Variants in CPED1 observed in about 807,000 individuals in gnomAD.
CPED1 encodes cadherin like and PC-esterase domain containing 1, also known as cadherin-like and PC-esterase domain-containing protein 1.
Under a neutral mutation model 128.2 loss-of-function variants are expected in CPED1, and 114 were observed. The ratio of observed to expected loss-of-function variants is 0.89; its 90% CI spans 0.76 to 1.04. CPED1 has a LOEUF of 1.04. Ranked by LOEUF, CPED1 falls within the 50% of genes least tolerant of loss-of-function variation. CPED1 has a pLI of 0.00. For missense variants in CPED1, 1,211 were observed against 1,207.1 expected (o/e 1.00, Z -0.05); for synonymous variants, 462 against 426.7 (o/e 1.08, Z -1.02).
intron 16 of CPED1, among the ~76,000 whole-genome samples, chr7:121,211,663 G>A (rs1440330993): frequency 6.6e-6 from 1 of 152,076 alleles, no homozygotes; most frequent in East Asian, 1.9e-4. Flanking sequence ...ATGTGACAGA[G>A]GAGGGAAACC....
intron 16 of CPED1, among the ~76,000 whole-genome samples, chr7:121,203,807 T>C (rs1207363916): frequency 6.6e-6 from 1 of 152,076 alleles, no homozygotes; most frequent in Non-Finnish European, 1.5e-5. Context: ...GTGTTTTGTT[T>C]TGGTATTCAA....
chr7:121,077,859 T>G (rs955776940), intron 5 of CPED1, among the ~76,000 whole-genome samples: 7 of 152,022 alleles, frequency 4.6e-5, no homozygotes, highest in Admixed American at 1.3e-4. Flanking sequence ...TTTAAAATTT[T>G]TATATAATCA....
intron 18 of CPED1, among the ~76,000 whole-genome samples, chr7:121,250,332 G>C (rs1798640759): frequency 6.6e-6 from 1 of 151,562 alleles, no homozygotes; most frequent in Non-Finnish European, 1.5e-5. Flanking sequence ...GTGTGTAGAG[G>C]GAAATTTATA....
intron 3 of CPED1, among the ~76,000 whole-genome samples, chr7:121,029,599 G>A (rs185111882): frequency 5.3e-5 from 8 of 152,276 alleles, no homozygotes; most frequent in Non-Finnish European, 1.5e-5. Context: ...TTTCATTGGT[G>A]TGTTTGCTCA....
At chr7:121,170,705 A>G (rs909604043) in intron 16 of CPED1, among the ~76,000 whole-genome samples, 3 of 152,156 alleles carry the variant, frequency 2.0e-5, no homozygotes, top group Non-Finnish European at 2.9e-5. Flanking sequence ...TATAAATGCA[A>G]TGATGGAGAA....
At chr7:121,076,276 C>T (rs748934326) in intron 5 of CPED1, among the ~76,000 whole-genome samples, 5 of 152,032 alleles carry the variant, frequency 3.3e-5, no homozygotes, top group Non-Finnish European at 7.4e-5. Context: ...AATATAATTC[C>T]CCACTCCTGC....
chr7:121,244,364 G>A, intron 18 of CPED1, 26 bp downstream of exon 18: 2 of 1,613,292 alleles, frequency 1.2e-6, no homozygotes, highest in Non-Finnish European at 1.7e-6. Flanking sequence ...AGTGGGGGAA[G>A]CCTTTAATGT....
chr7:121,185,577 A>C (rs894862607), intron 16 of CPED1, among the ~76,000 whole-genome samples: 2 of 152,186 alleles, frequency 1.3e-5, no homozygotes, highest in African/African-American at 4.8e-5. Context: ...TCAATAAGTA[A>C]TTCTGGAGGT....
At chr7:121,201,091 G>A (rs964215515) in intron 16 of CPED1, among the ~76,000 whole-genome samples, 6 of 152,034 alleles carry the variant, frequency 3.9e-5, no homozygotes, top group Admixed American at 1.3e-4. Flanking sequence ...TGAGAAAATC[G>A]GATCTGAGAT....
intron 2 of CPED1, among the ~76,000 whole-genome samples, chr7:121,007,109 A>G (rs1792037056): frequency 6.6e-6 from 1 of 152,078 alleles, no homozygotes; most frequent in South Asian, 2.1e-4. Context: ...TCTGCCTCCA[A>G]GATTCACCCT....
At chr7:121,110,149 G>T (rs1795073668) in intron 7 of CPED1, among the ~76,000 whole-genome samples, 1 of 152,138 alleles carries the variant, frequency 6.6e-6, no homozygotes, top group Non-Finnish European at 1.5e-5. Context: ...CACTTTCCAT[G>T]TCTATAAAAT....
chr7:121,170,254 A>T (rs976972147), intron 16 of CPED1, among the ~76,000 whole-genome samples: 1 of 152,226 alleles, frequency 6.6e-6, no homozygotes, highest in African/African-American at 2.4e-5. Flanking sequence ...ACACATCATC[A>T]GGACATACTG....
intron 16 of CPED1, among the ~76,000 whole-genome samples, chr7:121,216,868 C>A (rs1797770533): frequency 6.6e-6 from 1 of 152,056 alleles, no homozygotes; most frequent in Non-Finnish European, 1.5e-5. Context: ...GACTTACAGA[C>A]TCCCTGTTCC....
At chr7:121,088,672 A>G (rs1047416072) in intron 5 of CPED1, among the ~76,000 whole-genome samples, 3 of 149,956 alleles carry the variant, frequency 2.0e-5, no homozygotes. Flanking sequence ...AAAAAAAGAA[A>G]AGTAGTCATT....
chr7:121,252,730 C>A (rs913200897), intron 18 of CPED1, among the ~76,000 whole-genome samples: 1 of 152,062 alleles, frequency 6.6e-6, no homozygotes, highest in African/African-American at 2.4e-5. Context: ...TCATCACTGG[C>A]CATCAGAGAA....
At chr7:121,283,251 AT>A (rs2116775747) in intron 22 of CPED1, among the ~76,000 whole-genome samples, 1 of 152,288 alleles carries the variant, frequency 6.6e-6, no homozygotes, top group African/African-American at 2.4e-5. Flanking sequence ...CACCATAAAC[AT>A]TTTAGGGAAT....
At chr7:121,179,164 A>G (rs961347629) in intron 16 of CPED1, among the ~76,000 whole-genome samples, 1 of 152,080 alleles carries the variant, frequency 6.6e-6, no homozygotes, top group Admixed American at 6.6e-5. Flanking sequence ...CTATGAGCCA[A>G]CCTGTTGGCC....
At chr7:121,018,356 T>G (rs550851351) in intron 3 of CPED1, among the ~76,000 whole-genome samples, 5 of 152,282 alleles carry the variant, frequency 3.3e-5, no homozygotes, top group Admixed American at 1.3e-4. Context: ...CTCATGGTTA[T>G]TTTTACCATG....
chr7:121,042,348 T>C (rs960930818), intron 3 of CPED1, among the ~76,000 whole-genome samples: 1 of 152,134 alleles, frequency 6.6e-6, no homozygotes, highest in Non-Finnish European at 1.5e-5. Context: ...GCTGTAGTTA[T>C]TTCTTCCTCT....
Sources: allele counts gnomAD v4.1 joint callset (sites outside exome capture counted in the v4.1 genomes callset), GRCh38; gene constraint gnomAD v4.1.1; transcripts MANE v1.5; gene names NCBI Gene and HGNC (gene_info 2026-07-23, HGNC 2026-07-21).